STXBP5L: variants seen among roughly 807,000 people sequenced by gnomAD.
STXBP5L encodes the protein syntaxin-binding protein 5-like.
Under a neutral mutation model 144.5 loss-of-function variants are expected in STXBP5L, and 65 were observed. That is an observed-to-expected ratio of 0.45 (90% CI 0.37 to 0.55). STXBP5L has a LOEUF of 0.55. STXBP5L is among the 20% of genes least tolerant of loss of function. The probability of loss-of-function intolerance (pLI) is 0.00; values close to 1 mark genes in which losing one functional copy is unlikely to be tolerated. For synonymous variants in STXBP5L, 505 were observed against 469.6 expected, an observed-to-expected ratio of 1.08 and a Z score of -0.97; for missense variants, 1,298 against 1,405.5, an observed-to-expected ratio of 0.92 and a Z score of 1.22.
chr3:121,244,081 G>T (rs1334464225), intron 14 of STXBP5L, among the ~76,000 whole-genome samples: 1 of 151,922 alleles, frequency 6.6e-6, no homozygotes, highest in Non-Finnish European at 1.5e-5. Flanking sequence ...TAAAGAAACA[G>T]AAATCTGTGT....
intron 3 of STXBP5L, among the ~76,000 whole-genome samples, chr3:121,008,571 C>T (rs943275994): frequency 1.3e-5 from 2 of 151,966 alleles, no homozygotes; most frequent in African/African-American, 4.8e-5. Flanking sequence ...AAGTATTAAT[C>T]CTCATCTTGA....
At chr3:121,190,324 T>C (rs1577162952) in intron 9 of STXBP5L, among the ~76,000 whole-genome samples, 1 of 152,288 alleles carries the variant, frequency 6.6e-6, no homozygotes, top group Non-Finnish European at 1.5e-5. Context: ...CCTTAATCCA[T>C]TTAACCCTTA....
At position 121,128,004 on chromosome 3, in the gene STXBP5L, C is replaced by T. The variant is rs375547800; in HGVS notation, c.669+6300C>T. Among the ~76,000 whole-genome samples, 8 of 152,152 alleles carry T rather than the reference C, an allele frequency of 5.3e-5. No homozygotes were observed. In the East Asian group the frequency reaches 1.2e-3, roughly 22 times the overall value. ...ACCAGAATCAGATCTCAGATCTCAG[C>T]ACAGCCTAACACAGAAGCATAAATC... On this transcript the variant is annotated intron_variant, in intron 7 of 26. Coordinates refer to ENST00000471454, the MANE Select transcript of STXBP5L (RefSeq NM_001308330.2).
At chr3:120,961,786 C>G (rs923278126) in intron 3 of STXBP5L, among the ~76,000 whole-genome samples, 4 of 152,150 alleles carry the variant, frequency 2.6e-5, no homozygotes, top group African/African-American at 9.7e-5. Flanking sequence ...TGGGTCTATA[C>G]CCAGTAATGG....
At chr3:120,918,423 CAGAG>C (rs1350387372) in intron 2 of STXBP5L, among the ~76,000 whole-genome samples, 29 of 152,120 alleles carry the variant, frequency 1.9e-4, no homozygotes, top group African/African-American at 7.0e-4. Flanking sequence ...CACACAAGAA[CAGAG>C]AGAATAGTAT....
At chr3:121,285,445 T>C (rs2051199161) in intron 19 of STXBP5L, among the ~76,000 whole-genome samples, 1 of 152,062 alleles carries the variant, frequency 6.6e-6, no homozygotes, top group African/African-American at 2.4e-5. Flanking sequence ...TATTTTATAA[T>C]CAGAAAACAC....
chr3:121,223,504 C>G (rs1390981575), intron 11 of STXBP5L, among the ~76,000 whole-genome samples: 2 of 152,096 alleles, frequency 1.3e-5, no homozygotes, highest in Admixed American at 1.3e-4. Context: ...CAATTCCATC[C>G]CAAAGCCAAT....
chr3:121,240,187 A>C (rs897185047), intron 13 of STXBP5L, among the ~76,000 whole-genome samples: 2 of 152,196 alleles, frequency 1.3e-5, no homozygotes, highest in Admixed American at 1.3e-4. Flanking sequence ...TGTACAATTA[A>C]AAATACTTCT....
At chr3:121,097,901 C>G (rs2043211393) in intron 5 of STXBP5L, among the ~76,000 whole-genome samples, 1 of 152,136 alleles carries the variant, frequency 6.6e-6, no homozygotes, top group Non-Finnish European at 1.5e-5. Flanking sequence ...ATTTTGTAAT[C>G]TTGGTTATAG....
chr3:121,212,046 C>G (rs893527967), intron 10 of STXBP5L, among the ~76,000 whole-genome samples: 2 of 152,092 alleles, frequency 1.3e-5, no homozygotes, highest in East Asian at 1.9e-4. Context: ...ACTTCGCCAA[C>G]TTTTAGATGA....
intron 7 of STXBP5L, among the ~76,000 whole-genome samples, chr3:121,132,891 A>G (rs1444704951): frequency 6.6e-6 from 1 of 152,186 alleles, no homozygotes; most frequent in African/African-American, 2.4e-5. Flanking sequence ...AAGTAGAAGA[A>G]AGGATCAGTG....
At chr3:121,262,023 T>C (rs953218671) in intron 18 of STXBP5L, among the ~76,000 whole-genome samples, 5 of 152,194 alleles carry the variant, frequency 3.3e-5, no homozygotes, top group African/African-American at 1.2e-4. Context: ...CTAGCTTTGT[T>C]TGCGCTTGGC....
intron 10 of STXBP5L, among the ~76,000 whole-genome samples, chr3:121,217,170 C>T (rs566755093): frequency 6.6e-6 from 1 of 152,272 alleles, no homozygotes; most frequent in East Asian, 1.9e-4. Flanking sequence ...TGGCTTCAGC[C>T]CCCTTTCCTG....
At chr3:121,362,398 G>T (rs1249641196) in intron 20 of STXBP5L, among the ~76,000 whole-genome samples, 2 of 152,204 alleles carry the variant, frequency 1.3e-5, no homozygotes, top group Non-Finnish European at 2.9e-5. Flanking sequence ...TAGGTCCTGG[G>T]TAGGTCCAGA....
chr3:120,968,318 C>T (rs1169414599), intron 3 of STXBP5L, among the ~76,000 whole-genome samples: 1 of 152,090 alleles, frequency 6.6e-6, no homozygotes, highest in Non-Finnish European at 1.5e-5. Flanking sequence ...ACTGTAATAT[C>T]CTGTTATTGT....
At chr3:121,053,099 A>C (rs1250657690) in intron 5 of STXBP5L, among the ~76,000 whole-genome samples, 1 of 152,210 alleles carries the variant, frequency 6.6e-6, no homozygotes, top group Non-Finnish European at 1.5e-5. Flanking sequence ...TAGAGGATAC[A>C]AACAAATGGA....
At chr3:121,055,629 G>T (rs550219742) in intron 5 of STXBP5L, among the ~76,000 whole-genome samples, 8 of 151,920 alleles carry the variant, frequency 5.3e-5, no homozygotes, top group Admixed American at 5.3e-4. Flanking sequence ...TCCCGCCTCA[G>T]CCTCCTTAGT....
intron 19 of STXBP5L, among the ~76,000 whole-genome samples, chr3:121,312,447 T>A (rs13100282): frequency 0.095 from 878 of 9,224 alleles, 12 homozygotes; most frequent in Middle Eastern, 0.23. Flanking sequence ...TATGTCAATC[T>A]TTTTTTTTTT....
intron 10 of STXBP5L, among the ~76,000 whole-genome samples, chr3:121,214,243 CTGCTAGCTTTTGAATATGT>C (rs1337764701): frequency 6.6e-6 from 1 of 152,110 alleles, no homozygotes; most frequent in African/African-American, 2.4e-5. Flanking sequence ...TTCTTGTCTT[CTGCTAGCTTTTGAATATGT>C]TTGCTCTTGC....
Sources: allele counts gnomAD v4.1 joint callset (sites outside exome capture counted in the v4.1 genomes callset), GRCh38; gene constraint gnomAD v4.1.1; transcripts MANE v1.5; gene names NCBI Gene and HGNC (gene_info 2026-07-23, HGNC 2026-07-21).